Variants in GRIA4 observed in about 807,000 individuals in gnomAD.
The protein encoded by GRIA4 is glutamate receptor 4.
A neutral mutation model predicts 104.0 loss-of-function variants in GRIA4; 34 were observed. The ratio of observed to expected loss-of-function variants is 0.33; its 90% CI spans 0.25 to 0.44. The LOEUF (loss-of-function observed/expected upper bound fraction) is 0.44, where lower values mean the gene tolerates loss of function less well. Ranked by LOEUF, GRIA4 falls within the 20% of genes least tolerant of loss-of-function variation. The pLI, the probability that GRIA4 is intolerant of heterozygous loss-of-function variation, is 1.00. For missense variants in GRIA4, 750 were observed against 1,096.5 expected (o/e 0.68, Z 4.46); for synonymous variants, 386 against 381.9 (o/e 1.01, Z -0.13).
chr11:105,949,588 AG>A (rs1249878088), intron 14 of GRIA4, among the ~76,000 whole-genome samples: 1 of 152,206 alleles, frequency 6.6e-6, no homozygotes, highest in Non-Finnish European at 1.5e-5. Context: ...TAAAGAAGAA[AG>A]AGATAAACAG....
intron 3 of GRIA4, among the ~76,000 whole-genome samples, chr11:105,749,463 G>A (rs771893378): frequency 2.6e-5 from 4 of 152,104 alleles, no homozygotes; most frequent in Non-Finnish European, 5.9e-5. Flanking sequence ...AAAGAGAAGG[G>A]CCATAGATGG....
intron 5 of GRIA4, among the ~76,000 whole-genome samples, chr11:105,886,452 T>G (rs1946262894): frequency 6.6e-6 from 1 of 151,912 alleles, no homozygotes; most frequent in African/African-American, 2.4e-5. Context: ...TTCCAGCTAT[T>G]TTTTTCTGTA....
intron 4 of GRIA4, among the ~76,000 whole-genome samples, chr11:105,790,415 C>T (rs1942165098): frequency 6.6e-6 from 1 of 152,084 alleles, no homozygotes; most frequent in Admixed American, 6.6e-5. Context: ...CATGTGTTGC[C>T]CACCCCTCAA....
chr11:105,679,010 T>C (rs1952628735), intron 3 of GRIA4, among the ~76,000 whole-genome samples: 1 of 152,062 alleles, frequency 6.6e-6, no homozygotes, highest in Non-Finnish European at 1.5e-5. Context: ...TTAGTAGACG[T>C]ATTAGAGTTC....
intron 3 of GRIA4, among the ~76,000 whole-genome samples, chr11:105,702,670 A>C (rs1953540005): frequency 1.3e-5 from 2 of 150,870 alleles, no homozygotes; most frequent in Admixed American, 6.6e-5. Context: ...CAATCTTATA[A>C]GATATGCAAA....
At chr11:105,683,454 G>C (rs910394777) in intron 3 of GRIA4, among the ~76,000 whole-genome samples, 1 of 151,872 alleles carries the variant, frequency 6.6e-6, no homozygotes, top group Non-Finnish European at 1.5e-5. Flanking sequence ...CTTAACCAAG[G>C]CTCCTGAAGA....
chr11:105,880,746 C>A (rs1336243932), intron 5 of GRIA4, among the ~76,000 whole-genome samples: 3 of 151,990 alleles, frequency 2.0e-5, no homozygotes, highest in Admixed American at 2.0e-4. Flanking sequence ...TCCTATTAGC[C>A]TATGTGAGAC....
intron 14 of GRIA4, among the ~76,000 whole-genome samples, chr11:105,938,076 C>A (rs1355805850): frequency 6.6e-6 from 1 of 152,104 alleles, no homozygotes. Context: ...GACACTTGGC[C>A]TTAGCCTAGA....
chr11:105,883,355 G>T (rs374127817), intron 5 of GRIA4, among the ~76,000 whole-genome samples: 1 of 149,916 alleles, frequency 6.7e-6, no homozygotes, highest in Non-Finnish European at 1.5e-5. Flanking sequence ...GTATACATGC[G>T]CCATGTTGGT....
At chr11:105,644,689 G>A (rs1333654051) in intron 3 of GRIA4, among the ~76,000 whole-genome samples, 1 of 152,018 alleles carries the variant, frequency 6.6e-6, no homozygotes, top group East Asian at 1.9e-4. Context: ...TAGTTGAAAA[G>A]GGATTGCTAG....
intron 3 of GRIA4, among the ~76,000 whole-genome samples, chr11:105,730,598 G>A (rs1938524342): frequency 6.6e-6 from 1 of 152,098 alleles, no homozygotes; most frequent in African/African-American, 2.4e-5. Context: ...GAACAAAGCT[G>A]GAGGCATCAC....
intron 6 of GRIA4, among the ~76,000 whole-genome samples, chr11:105,896,167 T>C (rs893908585): frequency 3.3e-5 from 5 of 152,232 alleles, no homozygotes; most frequent in South Asian, 4.1e-4. Context: ...TCATTTTTTC[T>C]CTGATGATTA....
chr11:105,681,379 T>A (rs1952705757), intron 3 of GRIA4, among the ~76,000 whole-genome samples: 1 of 152,166 alleles, frequency 6.6e-6, no homozygotes. Flanking sequence ...TTTTTTATAT[T>A]TGTGAAGTGG....
intron 6 of GRIA4, among the ~76,000 whole-genome samples, chr11:105,892,400 TA>T (rs1237687100): frequency 1.3e-5 from 2 of 152,144 alleles, no homozygotes; most frequent in Non-Finnish European, 2.9e-5. Context: ...TAAAAAGATA[TA>T]AAATTACAAA....
At position 105,697,460 on chromosome 11, in the gene GRIA4, G is replaced by C. The variant is rs554403414; in HGVS notation, c.248-55521G>C. Among the ~76,000 whole-genome samples, 7 of 152,360 alleles carry C rather than the reference G, an allele frequency of 4.6e-5. No homozygotes were observed. In the South Asian group the frequency reaches 1.2e-3, roughly 27 times the overall value. On this transcript the variant is annotated intron_variant, in intron 3 of 16. Coordinates refer to ENST00000282499, the MANE Select transcript of GRIA4 (RefSeq NM_000829.4). ...TCTGCTAAAAGGTGGGGCAAAGGTG[G>C]AAGGACATGACTGTGAAAGATGGGG...
intron 14 of GRIA4, among the ~76,000 whole-genome samples, chr11:105,965,536 G>T (rs1333217833): frequency 3.4e-5 from 5 of 146,602 alleles, no homozygotes; most frequent in Non-Finnish European, 7.5e-5. Flanking sequence ...TTGATGGTTT[G>T]TATATGCCAT....
chr11:105,942,977 G>C (rs1948218617), intron 14 of GRIA4, among the ~76,000 whole-genome samples: 1 of 152,108 alleles, frequency 6.6e-6, no homozygotes. Flanking sequence ...CAGTGATGTT[G>C]ACATCTCTAT....
In GRIA4 at chr11:105,918,850, G is replaced by A; in HGVS notation, c.1408G>A (p.Gly470Arg). The change falls in exon 11 of 17, where the codon GGA becomes AGA. Residue 470 changes from glycine (G) to arginine (R), a missense_variant. Physicochemically the swap from Gly to Arg is moderately radical, Grantham distance 125. Transcript: ENST00000282499. ...IKYKIAIVPD[G>R]KYGARDADTK... ...GTATAAAATTGCCATTGTCCCTGAT[G>A]GAAAATATGGAGCAAGGGATGCAGA... The A allele has an allele frequency of 6.2e-7, 1 of 1,611,444 alleles. No homozygotes were observed. Among genetic ancestry groups the A allele is most frequent in the Non-Finnish European group, 8.5e-7 (1 of 1,177,860 alleles).
chr11:105,611,543 C>T (rs1411885913), intron 2 of GRIA4, among the ~76,000 whole-genome samples: 2 of 152,130 alleles, frequency 1.3e-5, no homozygotes, highest in Non-Finnish European at 2.9e-5. Flanking sequence ...AAGACATTTC[C>T]ACCCGCACGC....
Sources: gnomAD v4.1 joint callset for allele counts (sites outside exome capture counted in the v4.1 genomes callset) on GRCh38, gnomAD v4.1.1 for gene constraint, MANE v1.5 for transcripts, NCBI Gene and HGNC (gene_info 2026-07-23, HGNC 2026-07-21) for gene names.